The following NFIL3 variants were observed in gnomAD, a reference collection of about 807,000 sequenced individuals.
NFIL3 encodes nuclear factor, interleukin 3 regulated, also known as nuclear factor interleukin-3-regulated protein.
A neutral mutation model predicts 10.0 loss-of-function variants in NFIL3; 5 were observed. The observed-to-expected ratio is 0.50, with a 90% CI of 0.26 to 1.06. The LOEUF (loss-of-function observed/expected upper bound fraction) is 1.06, where lower values mean the gene tolerates loss of function less well. Ranked by LOEUF, NFIL3 falls within the 50% of genes least tolerant of loss-of-function variation. NFIL3 has a pLI of 0.13. For missense variants in NFIL3, 436 were observed against 547.6 expected, an observed-to-expected ratio of 0.80 and a Z score of 2.03; for synonymous variants, 202 against 206.5, an observed-to-expected ratio of 0.98 and a Z score of 0.19.
At chr9:91,479,324 T>G in the NFIL3 span, among the ~76,000 whole-genome samples, 1 of 152,188 alleles carries the variant, frequency 6.6e-6, no homozygotes, top group African/African-American at 2.4e-5. Flanking sequence ...CTGCTGCCTT[T>G]CTTTCAGAGA....
chr9:91,415,605 CTAACT>C (rs1833638485), intron 1 of NFIL3, among the ~76,000 whole-genome samples: 1 of 151,744 alleles, frequency 6.6e-6, no homozygotes, highest in Non-Finnish European at 1.5e-5. Flanking sequence ...AGGCACTATG[CTAACT>C]TAACTACTTC....
chr9:91,477,288 C>A, the NFIL3 span, among the ~76,000 whole-genome samples: 18 of 152,304 alleles, frequency 1.2e-4, no homozygotes, highest in East Asian at 9.7e-4. Flanking sequence ...TCCATCTCAG[C>A]GACAGGGAGT....
At chr9:91,480,337 C>T in the NFIL3 span, among the ~76,000 whole-genome samples, 1 of 151,898 alleles carries the variant, frequency 6.6e-6, no homozygotes, top group African/African-American at 2.4e-5. Context: ...TAGTTAAACC[C>T]GTGTGTGAGC....
At chr9:91,411,229 A>G (rs757209423) in intron 1 of NFIL3, among the ~76,000 whole-genome samples, 7 of 152,222 alleles carry the variant, frequency 4.6e-5, no homozygotes, top group African/African-American at 1.4e-4. Context: ...ATGGAGAAAT[A>G]GTTGGGTGTG....
chr9:91,415,238 G>A (rs1290934051), intron 1 of NFIL3, among the ~76,000 whole-genome samples: 2 of 152,090 alleles, frequency 1.3e-5, no homozygotes, highest in Non-Finnish European at 2.9e-5. Context: ...ATGGGCCTGG[G>A]GTGCAGGCTT....
At chr9:91,462,021 A>G in the NFIL3 span, among the ~76,000 whole-genome samples, 1 of 152,162 alleles carries the variant, frequency 6.6e-6, no homozygotes, top group Non-Finnish European at 1.5e-5. Flanking sequence ...AGGTTATTCA[A>G]TGGGTACTTA....
chr9:91,460,542 G>T, the NFIL3 span, among the ~76,000 whole-genome samples: 1 of 152,066 alleles, frequency 6.6e-6, no homozygotes, highest in Non-Finnish European at 1.5e-5. Flanking sequence ...CTCCCAAAGT[G>T]CTGGGATTAC....
chr9:91,445,209 C>T, the NFIL3 span, among the ~76,000 whole-genome samples: 1 of 152,182 alleles, frequency 6.6e-6, no homozygotes, highest in Non-Finnish European at 1.5e-5. Flanking sequence ...CAAGGCACAA[C>T]TGCAGTTCAG....
the NFIL3 span, among the ~76,000 whole-genome samples, chr9:91,463,111 A>G: frequency 6.6e-6 from 1 of 151,756 alleles, no homozygotes; most frequent in African/African-American, 2.4e-5. Flanking sequence ...TGGTTTATCG[A>G]TCTTATTGAT....
the NFIL3 span, among the ~76,000 whole-genome samples, chr9:91,453,453 T>C: frequency 1.3e-5 from 2 of 152,120 alleles, no homozygotes; most frequent in Non-Finnish European, 2.9e-5. Context: ...CTTTGTCTTA[T>C]TAAATGTAAT....
intron 1 of NFIL3, among the ~76,000 whole-genome samples, chr9:91,422,411 T>A (rs943768753): frequency 2.0e-5 from 3 of 152,006 alleles, no homozygotes; most frequent in Non-Finnish European, 2.9e-5. Flanking sequence ...TTCGGCAGCA[T>A]GAGCAAACTC....
rs200263217 is a variant in NFIL3 at position 91,410,178 on chromosome 9, G to A, written c.557C>T (p.Ser186Leu). 4.3e-5 allele frequency: 70 copies of A among 1,614,126 alleles called. No individual in the cohort carries two copies. The Admixed American group carries it at 5.2e-4, about 12-fold the overall frequency. Reference protein sequence around the residue: ...ISVIKHSPQSSLSDVSEVSSV... With the variant: ...ISVIKHSPQSLLSDVSEVSSV... ...GGACACTTCTGAAACATCGGACAGC[G>A]AGCTTTGTGGAGAGTGTTTAATGAC... The change falls in exon 2 of 2, where the codon TCG becomes TTG. Residue 186 changes from serine (S) to leucine (L), a missense_variant. Transcript: ENST00000297689. The surrounding 1 kb of genome is among the most constrained non-coding windows in gnomAD (Gnocchi z 5.7).
the NFIL3 span, among the ~76,000 whole-genome samples, chr9:91,469,713 C>G: frequency 9.9e-5 from 15 of 152,092 alleles, no homozygotes; most frequent in African/African-American, 3.6e-4. Flanking sequence ...CCATCAATAC[C>G]TAATTTATTG....
At chr9:91,416,489 A>G (rs1393084690) in intron 1 of NFIL3, among the ~76,000 whole-genome samples, 1 of 152,198 alleles carries the variant, frequency 6.6e-6, no homozygotes, top group East Asian at 1.9e-4. Context: ...TTTCAAATCA[A>G]CATCTAATGT....
chr9:91,428,913 G>C, the NFIL3 span, among the ~76,000 whole-genome samples: 5 of 152,202 alleles, frequency 3.3e-5, no homozygotes, highest in Non-Finnish European at 5.9e-5. Flanking sequence ...AAAAAGGTGG[G>C]TAGGAAAAAG....
At chr9:91,469,219 G>A in the NFIL3 span, among the ~76,000 whole-genome samples, 780 of 152,244 alleles carry the variant, frequency 5.1e-3, 3 homozygotes, top group African/African-American at 0.018. Context: ...GCAGTGGTTC[G>A]TGGTTCTTCT....
At chr9:91,420,261 A>G (rs1833735350) in intron 1 of NFIL3, among the ~76,000 whole-genome samples, 1 of 152,090 alleles carries the variant, frequency 6.6e-6, no homozygotes, top group Non-Finnish European at 1.5e-5. Context: ...GAACAAAAAA[A>G]GTATCTCAAG....
rs200819019 is a variant in NFIL3 at position 91,410,339 on chromosome 9, T to C, written c.396A>G (p.Thr132=). 24 of 1,614,202 alleles carry C rather than the reference T, an allele frequency of 1.5e-5. No individual in the cohort carries two copies. The East Asian group carries it at 4.9e-4, about 33-fold the overall frequency. The change falls in exon 2 of 2, where the codon ACA becomes ACG. Residue 132 remains threonine, a synonymous_variant. Transcript: ENST00000297689. The surrounding 1 kb of genome is among the most constrained non-coding windows in gnomAD (Gnocchi z 5.7). ...LKLKFGLISS[T]AYAQEIQKLS... ...GTTTCTGAATCTCTTGAGCATATGCTGTGGAGCTAATTAAACCAAACTTTA... is the reference window on the plus strand; with the variant it reads ...GTTTCTGAATCTCTTGAGCATATGCCGTGGAGCTAATTAAACCAAACTTTA...
chr9:91,454,631 A>T, the NFIL3 span, among the ~76,000 whole-genome samples: 1 of 151,984 alleles, frequency 6.6e-6, no homozygotes, highest in Admixed American at 6.5e-5. Context: ...CAGGAGTTTG[A>T]GCCCAGCCTG....
Sources: gnomAD v4.1 joint callset for allele counts (sites outside exome capture counted in the v4.1 genomes callset) on GRCh38, gnomAD v4.1.1 for gene constraint, Gnocchi (gnomAD v3.1) non-coding constraint, MANE v1.5 for transcripts, NCBI Gene and HGNC (gene_info 2026-07-23, HGNC 2026-07-21) for gene names.